The following OGDH variants were observed in gnomAD, a reference collection of about 807,000 sequenced individuals.
The protein encoded by OGDH is 2-oxoglutarate dehydrogenase complex component E1.
A neutral mutation model predicts 116.6 loss-of-function variants in OGDH; 38 were observed. That is an observed-to-expected ratio of 0.33 (90% CI 0.25 to 0.43). The LOEUF (loss-of-function observed/expected upper bound fraction) is 0.43. OGDH is among the 20% of genes least tolerant of loss of function. The pLI, the probability that OGDH is intolerant of heterozygous loss-of-function variation, is 1.00. For missense variants in OGDH, 825 were observed against 1,357.2 expected (o/e 0.61, Z 6.16); for synonymous variants, 488 against 533.3 (o/e 0.92, Z 1.17).
intron 3 of OGDH, among the ~76,000 whole-genome samples, chr7:44,646,896 C>A (rs1461930876): frequency 2.6e-5 from 4 of 152,176 alleles, no homozygotes; most frequent in Admixed American, 6.5e-5. Context: ...CACTCCTCCC[C>A]AGTTAAGGCC....
intron 1 of OGDH, among the ~76,000 whole-genome samples, chr7:44,617,325 A>C (rs1784844754): frequency 6.6e-6 from 1 of 152,158 alleles, no homozygotes; most frequent in African/African-American, 2.4e-5. Flanking sequence ...GGTTAGGAGT[A>C]ATTACTGTCT....
intron 18 of OGDH, 82 bp from the exon 19 acceptor site, chr7:44,700,059 C>G (rs760512351): frequency 8.2e-5 from 119 of 1,453,776 alleles, no homozygotes; most frequent in Non-Finnish European, 1.1e-4. Context: ...AATATCCAAA[C>G]TAGATCACCT....
At chr7:44,706,316 T>A (rs181417458) in intron 20 of OGDH, among the ~76,000 whole-genome samples, 88 of 144,790 alleles carry the variant, frequency 6.1e-4, no homozygotes, top group African/African-American at 2.3e-3. Context: ...GGGATTTTTT[T>A]TATATAATTT....
At chr7:44,652,477 C>T (rs548372521) in intron 4 of OGDH, among the ~76,000 whole-genome samples, 1 of 152,300 alleles carries the variant, frequency 6.6e-6, no homozygotes, top group African/African-American at 2.4e-5. Context: ...AGATGCCCAT[C>T]TTAATTTGTG....
At position 44,697,267 on chromosome 7, in the gene OGDH, C is replaced by T; in HGVS notation, c.2052-103C>T. ...CCCTGCAGCTGCCTGGCCAGAAGTC[C>T]AGGTCACAGAGCATGGCATCTGCTG... is the stretch of plus-strand genomic sequence containing the variant. On this transcript the variant is annotated intron_variant, in intron 15 of 22. Transcript: ENST00000222673. This position sits in a 1 kb window ranked among gnomAD's most constrained non-coding sequence, Gnocchi z 6.0. 1.3e-6 allele frequency: 2 copies of T among 1,532,832 alleles called. No individual in the cohort carries two copies. The highest frequency in any genetic ancestry group is 1.8e-6 in the Non-Finnish European group (2 of 1,124,402). The allele number at this position is 1,532,832 out of a possible 1,614,324, so 95.0% of individuals were successfully genotyped here.
intron 5 of OGDH, among the ~76,000 whole-genome samples, chr7:44,669,155 T>TTTTTTTTTTTTTTTTG (rs1787318632): frequency 7.1e-6 from 1 of 140,250 alleles, no homozygotes; most frequent in African/African-American, 2.8e-5. Flanking sequence ...CTTTTTTTTT[T>TTTTTTTTTTTTTTTTG]TTTTTTTTTT....
At chr7:44,659,960 C>G (rs373470561) in intron 4 of OGDH, among the ~76,000 whole-genome samples, 1 of 152,124 alleles carries the variant, frequency 6.6e-6, no homozygotes, top group African/African-American at 2.4e-5. Flanking sequence ...CTTACTTCTG[C>G]TTATTGGCTT....
chr7:44,632,090 A>G (rs1785466945), intron 2 of OGDH, among the ~76,000 whole-genome samples: 1 of 152,160 alleles, frequency 6.6e-6, no homozygotes, highest in African/African-American at 2.4e-5. Flanking sequence ...TTCCAAGATC[A>G]AACCAAGAGG....
intron 4 of OGDH, among the ~76,000 whole-genome samples, chr7:44,653,886 G>A (rs533824325): frequency 1.8e-4 from 26 of 146,642 alleles, no homozygotes; most frequent in South Asian, 4.4e-4. Flanking sequence ...ACGGAGTCTC[G>A]CTCTGTTGCC....
In OGDH at chr7:44,708,902, G is replaced by A. The variant is rs1370043830; in HGVS notation, c.*903G>A. ...TCAGAAGAGGGAGAGGAGGGGCTGGGGGTGAGGGGCCAGGCCATGGCCAAG... is the reference window on the plus strand; with the variant it reads ...TCAGAAGAGGGAGAGGAGGGGCTGGAGGTGAGGGGCCAGGCCATGGCCAAG... On this transcript the variant is annotated 3_prime_UTR_variant, in exon 23 of 23. Coordinates refer to ENST00000222673, the MANE Select transcript of OGDH (RefSeq NM_002541.4). 1.3e-5 allele frequency: 2 copies of A among 152,226 alleles called. No homozygotes were observed. Among genetic ancestry groups the A allele is most frequent in the East Asian group, 1.9e-4 (1 of 5,184 alleles). The allele number at this position is 152,226 out of a possible 1,614,324, so 9.4% of individuals were successfully genotyped here.
chr7:44,658,510 G>T (rs1312483392), intron 4 of OGDH, among the ~76,000 whole-genome samples: 4 of 140,726 alleles, frequency 2.8e-5, no homozygotes, highest in Non-Finnish European at 6.1e-5. Flanking sequence ...CATGTCATCT[G>T]AAAATAGGAA....
intron 9 of OGDH, among the ~76,000 whole-genome samples, chr7:44,677,125 A>G (rs929607415): frequency 2.0e-5 from 3 of 152,216 alleles, no homozygotes; most frequent in Admixed American, 1.3e-4. Flanking sequence ...TATATTTCCT[A>G]TTAATGATGA....
chr7:44,622,853 T>A lies in OGDH; in HGVS notation c.-27-1464T>A, dbSNP rs988047913. 3.3e-5 allele frequency: 5 copies of A among 152,196 alleles called. No homozygotes were observed. In the East Asian group the frequency reaches 9.6e-4, roughly 29 times the overall value. 9.4% of individuals were successfully genotyped at this position (152,196 alleles called of 1,614,324 possible). A position where few individuals can be genotyped will look rare whatever the true frequency, so the allele number is the denominator to read the frequency against. ...GCTTGGATCCTGACTCTGCTGTTAG[T>A]AGCCTATGACCTTGGATGAAATGTA... On this transcript the variant is annotated intron_variant, in intron 1 of 22. Transcript: ENST00000222673.
chr7:44,694,033 G>A lies in OGDH; in HGVS notation c.1515+29G>A, dbSNP rs769516116. ...AGTGACTCTGGGGACAGCACGTCCTGGGCAGAGCATCTGACCCACCCCTCT... is the reference window on the plus strand; with the variant it reads ...AGTGACTCTGGGGACAGCACGTCCTAGGCAGAGCATCTGACCCACCCCTCT... On this transcript the variant is annotated intron_variant, in intron 11 of 22. Coordinates refer to ENST00000222673, the MANE Select transcript of OGDH (RefSeq NM_002541.4). This position sits in a 1 kb window ranked among gnomAD's most constrained non-coding sequence, Gnocchi z 4.2. The A allele has an allele frequency of 2.5e-6, 4 of 1,590,232 alleles. No individual in the cohort carries two copies. In the Admixed American group the frequency reaches 5.1e-5, roughly 20 times the overall value.
In OGDH at chr7:44,700,236, A is replaced by G. The variant is rs765082943; in HGVS notation, c.2526A>G (p.Leu842=). 115 of 1,614,080 alleles carry G rather than the reference A, an allele frequency of 7.1e-5. No homozygotes were observed. The highest frequency in any genetic ancestry group is 9.3e-5 in the Non-Finnish European group (110 of 1,180,036). The part of the protein sequence containing the change: ...CSTPGNFFHV[L]RRQILLPFRK... Reference sequence around the variant, plus strand: ...CTCCTGGCAACTTCTTCCACGTGCTACGACGCCAGATCCTGCTGCCATTCC... The same window carrying G: ...CTCCTGGCAACTTCTTCCACGTGCTGCGACGCCAGATCCTGCTGCCATTCC... Residue 842 remains leucine (L), a synonymous_variant, in exon 19 of 23, where the codon CTA becomes CTG. Transcript: ENST00000222673.
chr7:44,701,988 T>G (rs555693533), intron 20 of OGDH, among the ~76,000 whole-genome samples: 1 of 152,022 alleles, frequency 6.6e-6, no homozygotes, highest in South Asian at 2.1e-4. Context: ...GGAGAATTGC[T>G]TGAACCCAGG....
chr7:44,669,346 CTCA>C (rs1787329750), intron 5 of OGDH, among the ~76,000 whole-genome samples: 1 of 151,718 alleles, frequency 6.6e-6, no homozygotes, highest in Admixed American at 6.6e-5. Context: ...GAGATGAGAT[CTCA>C]CCACGTTGCC....
In OGDH at chr7:44,624,312, T is replaced by TTTTTC; in HGVS notation, c.-27-5_-27-4insTTTTC. ...TCTTGTTTTTTTTTTTTTTTTTTTG[T>TTTTTC]ACAGGCAGTTGTGAAAAACTTCAGG... On this transcript the variant is annotated splice_region_variant and splice_polypyrimidine_tract_variant and intron_variant, in intron 1 of 22. Transcript: ENST00000222673. 6 of 1,255,814 alleles carry TTTTTC rather than the reference T, an allele frequency of 4.8e-6. No homozygotes were observed. Among genetic ancestry groups the TTTTTC allele is most frequent in the East Asian group, 2.7e-5 (1 of 36,694 alleles). 77.8% of individuals were successfully genotyped at this position (1,255,814 alleles called of 1,614,324 possible). A position where few individuals can be genotyped will look rare whatever the true frequency, so the allele number is the denominator to read the frequency against.
At chr7:44,627,389 G>T (rs935431268) in intron 2 of OGDH, among the ~76,000 whole-genome samples, 3 of 152,186 alleles carry the variant, frequency 2.0e-5, no homozygotes, top group African/African-American at 7.2e-5. Context: ...AGCCTTAGAG[G>T]CATTTCACTT....
Sources: allele counts gnomAD v4.1 joint callset (sites outside exome capture counted in the v4.1 genomes callset), GRCh38; gene constraint gnomAD v4.1.1; non-coding constraint Gnocchi (gnomAD v3.1); transcripts MANE v1.5; gene names NCBI Gene and HGNC (gene_info 2026-07-23, HGNC 2026-07-21).